The following CPNE2 variants were observed in gnomAD, a reference collection of about 807,000 sequenced individuals.
CPNE2 encodes copine-2.
Under a neutral mutation model 69.7 loss-of-function variants are expected in CPNE2, and 42 were observed. The observed-to-expected ratio is 0.60, with a 90% CI of 0.47 to 0.78. The LOEUF (loss-of-function observed/expected upper bound fraction) is 0.78, where lower values mean the gene tolerates loss of function less well. CPNE2 is among the 30% of genes least tolerant of loss of function. CPNE2 has a pLI of 0.00. For missense variants in CPNE2, 587 were observed against 732.0 expected, an observed-to-expected ratio of 0.80 and a Z score of 2.29; for synonymous variants, 294 against 289.8, an observed-to-expected ratio of 1.01 and a Z score of -0.15.
chr16:57,133,661 C>T (rs1326725948), intron 12 of CPNE2, among the ~76,000 whole-genome samples: 2 of 152,206 alleles, frequency 1.3e-5, no homozygotes, highest in Non-Finnish European at 2.9e-5. Context: ...CCCCTCCACC[C>T]TCCTCATTGA....
intron 1 of CPNE2, chr16:57,105,992 G>A (rs890740289): frequency 1.3e-5 from 2 of 152,744 alleles, no homozygotes; most frequent in African/African-American, 2.4e-5. Flanking sequence ...TGGGGTAGGA[G>A]GGGAGGGGGC....
At chr16:57,121,640 C>T (rs763789104) in intron 8 of CPNE2, 34 bp from the exon 9 acceptor site, 13 of 1,602,540 alleles carry the variant, frequency 8.1e-6, no homozygotes, top group East Asian at 4.5e-5. Flanking sequence ...AAAGAAGCCC[C>T]GAGGTGAGTG....
At chr16:57,122,975 G>C (rs1466960883) in intron 9 of CPNE2, among the ~76,000 whole-genome samples, 1 of 151,198 alleles carries the variant, frequency 6.6e-6, no homozygotes, top group Non-Finnish European at 1.5e-5. Flanking sequence ...AAAATTAAAA[G>C]ATCTGCCTTC....
chr16:57,114,333 G>A, intron 3 of CPNE2, among the ~76,000 whole-genome samples: 1 of 152,202 alleles, frequency 6.6e-6, no homozygotes, highest in Non-Finnish European at 1.5e-5. Flanking sequence ...GGCAGGGTGA[G>A]GAAGTGGCAT....
rs1365146479 is a variant in CPNE2, at chr16:57,136,922, G to A, written c.1169-227G>A. On this transcript the variant is annotated intron_variant, in intron 13 of 15. Transcript: ENST00000290776. ...GAGCAAGACTCCTCTCAAAGAAAAG[G>A]CAGGATTCAAACTCTACAGGCCTGT... Among the ~76,000 whole-genome samples, 3 of 152,284 alleles carry A rather than the reference G, an allele frequency of 2.0e-5. No individual in the cohort carries two copies. The South Asian group carries it at 6.2e-4, about 32-fold the overall frequency.
rs567099281 is a variant in CPNE2, at chr16:57,092,970, C to T, written c.-36+180C>T. Among the ~76,000 whole-genome samples the T allele has an allele frequency of 6.6e-6, 1 of 152,124 alleles. No individual in the cohort carries two copies. The highest frequency in any genetic ancestry group is 2.4e-5 in the African/African-American group (1 of 41,444). On this transcript the variant is annotated intron_variant, in intron 1 of 15. Coordinates refer to ENST00000290776, the MANE Select transcript of CPNE2 (RefSeq NM_152727.6). This position sits in a 1 kb window ranked among gnomAD's most constrained non-coding sequence, Gnocchi z 5.3. ...ACTCCGGCGCTTCGGTGACTCAGCT[C>T]CGACCCGGCCACGCGGGGGCGCCCC...
At chr16:57,142,065 G>A (rs1223829712) in intron 14 of CPNE2, 1 of 152,294 alleles carries the variant, frequency 6.6e-6, no homozygotes, top group African/African-American at 2.4e-5. Flanking sequence ...TCTAGGCAGG[G>A]CTGCACTCTC....
At chr16:57,125,235 G>A (rs1361977165) in intron 10 of CPNE2, 3 of 454,818 alleles carry the variant, frequency 6.6e-6, no homozygotes, top group African/African-American at 6.0e-5. Flanking sequence ...CATCAGCCCC[G>A]AGTCCCTGTT....
At chr16:57,097,398 A>T (rs2069584496) in intron 1 of CPNE2, among the ~76,000 whole-genome samples, 1 of 152,146 alleles carries the variant, frequency 6.6e-6, no homozygotes, top group Non-Finnish European at 1.5e-5. Context: ...AACCAAATGG[A>T]TGGCTGCATG....
At chr16:57,136,401 A>C (rs564387008) in intron 13 of CPNE2, among the ~76,000 whole-genome samples, 1 of 152,322 alleles carries the variant, frequency 6.6e-6, no homozygotes, top group African/African-American at 2.4e-5. Flanking sequence ...TTGATCCCCC[A>C]ACCACGAACA....
intron 4 of CPNE2, among the ~76,000 whole-genome samples, chr16:57,116,170 A>G (rs2069717881): frequency 6.6e-6 from 1 of 151,882 alleles, no homozygotes; most frequent in African/African-American, 2.4e-5. Context: ...CCACTGCCTG[A>G]CCAACCCTTC....
At chr16:57,119,134 C>T in intron 5 of CPNE2, 61 bp from the exon 6 acceptor site, 1 of 1,459,646 alleles carries the variant, frequency 6.9e-7, no homozygotes, top group Non-Finnish European at 9.6e-7. Context: ...GGCCACACCC[C>T]CATCTGCCTG....
chr16:57,108,833 G>A (rs2069662950), intron 1 of CPNE2, among the ~76,000 whole-genome samples: 1 of 152,198 alleles, frequency 6.6e-6, no homozygotes, highest in Non-Finnish European at 1.5e-5. Flanking sequence ...TGAGGCCCAG[G>A]GCACAGAATT....
At chr16:57,104,132 G>A (rs2069633506) in intron 1 of CPNE2, among the ~76,000 whole-genome samples, 1 of 152,104 alleles carries the variant, frequency 6.6e-6, no homozygotes, top group African/African-American at 2.4e-5. Context: ...GGCCAGGCTG[G>A]TCTTGAACTC....
chr16:57,144,140 A>G (rs750336389), intron 14 of CPNE2: 1 of 152,246 alleles, frequency 6.6e-6, no homozygotes, highest in Non-Finnish European at 1.5e-5. Flanking sequence ...GAGGCCCCTC[A>G]CAGCCAGGGA....
Position 57,134,843 on chromosome 16 carries a change from C to T in CPNE2, c.1168+17C>T, listed in dbSNP as rs776516503. On this transcript the variant is annotated intron_variant, in intron 13 of 15. Transcript: ENST00000290776. ...TCTGCTCAGGTGAGTGTCAGACCCA[C>T]CTGCAGCTGCCCTGTGTTTGCTACG... The T allele has an allele frequency of 6.2e-7, 1 of 1,613,506 alleles. No homozygotes were observed. The highest frequency in any genetic ancestry group is 1.3e-5 in the African/African-American group (1 of 74,880).
chr16:57,101,243 TTC>T (rs1469579235), intron 1 of CPNE2, among the ~76,000 whole-genome samples: 3 of 152,226 alleles, frequency 2.0e-5, no homozygotes, highest in Admixed American at 6.5e-5. Context: ...GAAAATACAT[TTC>T]TCTCTCTGCA....
chr16:57,102,923 GC>G (rs1213967899), intron 1 of CPNE2, among the ~76,000 whole-genome samples: 1 of 151,614 alleles, frequency 6.6e-6, no homozygotes, highest in East Asian at 1.9e-4. Flanking sequence ...TTTTAACCTC[GC>G]CCCCTTTATG....
chr16:57,098,997 A>C (rs1010490946), intron 1 of CPNE2, among the ~76,000 whole-genome samples: 6 of 152,172 alleles, frequency 3.9e-5, no homozygotes, highest in South Asian at 4.1e-4. Flanking sequence ...TAGAGCAGAC[A>C]TTCTACATGG....
Sources: gnomAD v4.1 joint callset for allele counts (sites outside exome capture counted in the v4.1 genomes callset) on GRCh38, gnomAD v4.1.1 for gene constraint, Gnocchi (gnomAD v3.1) non-coding constraint, MANE v1.5 for transcripts, NCBI Gene and HGNC (gene_info 2026-07-23, HGNC 2026-07-21) for gene names.